The following TTC7B variants were observed in gnomAD, a reference collection of about 807,000 sequenced individuals.
TTC7B encodes the protein tetratricopeptide repeat domain 7B.
TTC7B carries 28 observed loss-of-function variants against 106.8 expected under a neutral mutation model. The ratio of observed to expected loss-of-function variants is 0.26; its 90% CI spans 0.19 to 0.36. The LOEUF is 0.36. TTC7B is among the 10% of genes least tolerant of loss of function. TTC7B has a pLI of 1.00. For missense variants in TTC7B, 862 were observed against 1,076.4 expected (o/e 0.80, Z 2.79); for synonymous variants, 405 against 430.6 (o/e 0.94, Z 0.74).
chr14:90,726,308 C>G (rs1643131370), intron 5 of TTC7B, among the ~76,000 whole-genome samples: 1 of 152,164 alleles, frequency 6.6e-6, no homozygotes, highest in Non-Finnish European at 1.5e-5. Flanking sequence ...TCAGTCCCAC[C>G]TATTTTCTCT....
chr14:90,661,657 C>T (rs1055164638), intron 9 of TTC7B, among the ~76,000 whole-genome samples: 4 of 151,886 alleles, frequency 2.6e-5, no homozygotes, highest in African/African-American at 9.7e-5. Flanking sequence ...TTCTAACAGC[C>T]CTACTCAACC....
chr14:90,658,262 T>C (rs1886033850), intron 10 of TTC7B, 42 bp downstream of exon 10: 1 of 1,527,084 alleles, frequency 6.5e-7, no homozygotes, highest in Non-Finnish European at 9.1e-7. Flanking sequence ...TTGGCCTTAA[T>C]AGGAAAGGCA....
At position 90,578,441 on chromosome 14, in the gene TTC7B, G is replaced by T; in HGVS notation, c.2108-133C>A. 1 of 894,672 alleles carries T rather than the reference G, an allele frequency of 1.1e-6. No individual in the cohort carries two copies. The highest frequency in any genetic ancestry group is 1.7e-6 in the Non-Finnish European group (1 of 574,592). 55.4% of individuals were successfully genotyped at this position (894,672 alleles called of 1,614,324 possible). On this transcript the variant is annotated intron_variant, in intron 18 of 19. Transcript: ENST00000328459. This position sits in a 1 kb window ranked among gnomAD's most constrained non-coding sequence, Gnocchi z 4.7. Reference sequence around the variant, plus strand: ...CAGAGCCAGCTGATCCCTGCTCCAAGTGGAAACAGCTGCCGCTGACAGTCC... The same window carrying T: ...CAGAGCCAGCTGATCCCTGCTCCAATTGGAAACAGCTGCCGCTGACAGTCC...
intron 6 of TTC7B, among the ~76,000 whole-genome samples, chr14:90,691,285 A>C (rs530098118): frequency 6.6e-6 from 1 of 152,176 alleles, no homozygotes; most frequent in South Asian, 2.1e-4. Flanking sequence ...CTTGTTCACT[A>C]CTAGATAGCT....
chr14:90,782,543 G>A (rs1352985846), intron 2 of TTC7B, among the ~76,000 whole-genome samples: 1 of 152,138 alleles, frequency 6.6e-6, no homozygotes, highest in Non-Finnish European at 1.5e-5. Flanking sequence ...AGGTTGCAGT[G>A]AGCCAAGATC....
At chr14:90,587,293 T>G (rs1450530021) in intron 18 of TTC7B, among the ~76,000 whole-genome samples, 2 of 152,232 alleles carry the variant, frequency 1.3e-5, no homozygotes, top group African/African-American at 4.8e-5. Flanking sequence ...CCTCAGTAGC[T>G]TTCCAATGAT....
At chr14:90,658,854 T>C (rs1886063085) in intron 9 of TTC7B, among the ~76,000 whole-genome samples, 1 of 152,220 alleles carries the variant, frequency 6.6e-6, no homozygotes, top group African/African-American at 2.4e-5. Context: ...TTCTCAGTAC[T>C]GGTGCATTGC....
chr14:90,608,180 A>C lies in TTC7B; in HGVS notation c.1966+2562T>G, dbSNP rs1364656847. On this transcript the variant is annotated intron_variant, in intron 17 of 19. Transcript: ENST00000328459. This position sits in a 1 kb window ranked among gnomAD's most constrained non-coding sequence, Gnocchi z 5.1. The stretch of plus-strand genomic sequence containing the variant: ...AACCATATGCAACTGGGCTTTATTA[A>C]TCAAGATGGAGGCATTTTTCCCCAT... Among the ~76,000 whole-genome samples the C allele has an allele frequency of 6.6e-6, 1 of 152,186 alleles. No individual in the cohort carries two copies. Among genetic ancestry groups the C allele is most frequent in the African/African-American group, 2.4e-5 (1 of 41,442 alleles).
At chr14:90,612,161 C>A (rs1352291200) in intron 16 of TTC7B, among the ~76,000 whole-genome samples, 1 of 152,214 alleles carries the variant, frequency 6.6e-6, no homozygotes, top group Admixed American at 6.5e-5. Context: ...TCAGGACAGA[C>A]TATTTGTCAG....
At chr14:90,777,531 A>C (rs1891072316) in intron 3 of TTC7B, among the ~76,000 whole-genome samples, 1 of 152,104 alleles carries the variant, frequency 6.6e-6, no homozygotes, top group Non-Finnish European at 1.5e-5. Flanking sequence ...TCTATCTGAA[A>C]ACCCTGGCCA....
chr14:90,690,602 T>A lies in TTC7B; in HGVS notation c.778-890A>T, dbSNP rs527809599. 9.9e-5 allele frequency among the ~76,000 whole-genome samples: 15 copies of A among 151,742 alleles called. No individual in the cohort carries two copies. The East Asian group carries it at 2.5e-3, about 25-fold the overall frequency. ...GTAACAAAGAAGAGGATAAGTAATT[T>A]AAAAAAAAATCCCTCTGAAAAGAGA... On this transcript the variant is annotated intron_variant, in intron 6 of 19. Coordinates refer to ENST00000328459, the MANE Select transcript of TTC7B (RefSeq NM_001010854.2).
At chr14:90,683,287 T>A (rs1398919221) in intron 7 of TTC7B, among the ~76,000 whole-genome samples, 1 of 152,070 alleles carries the variant, frequency 6.6e-6, no homozygotes, top group African/African-American at 2.4e-5. Context: ...GGTCTAGTAA[T>A]GGTTCCTTTA....
At chr14:90,671,214 T>C (rs1208287897) in intron 9 of TTC7B, among the ~76,000 whole-genome samples, 1 of 152,202 alleles carries the variant, frequency 6.6e-6, no homozygotes, top group Admixed American at 6.5e-5. Context: ...GTGCAATGCT[T>C]TTCACTGTGC....
chr14:90,709,660 C>T (rs1289687732), intron 5 of TTC7B, among the ~76,000 whole-genome samples: 1 of 151,596 alleles, frequency 6.6e-6, no homozygotes, highest in Non-Finnish European at 1.5e-5. Flanking sequence ...ACATTGTGCA[C>T]ATGTACCCTA....
rs1380439541 is a variant in TTC7B, at chr14:90,529,676, T to C, written c.*11692A>G. 2 of 152,238 alleles carry C rather than the reference T, an allele frequency of 1.3e-5. No individual in the cohort carries two copies. Among genetic ancestry groups the C allele is most frequent in the African/African-American group, 4.8e-5 (2 of 41,462 alleles). 9.4% of individuals were successfully genotyped at this position (152,238 alleles called of 1,614,324 possible). On this transcript the variant is annotated 3_prime_UTR_variant, in exon 20 of 20. Coordinates refer to ENST00000328459, the MANE Select transcript of TTC7B (RefSeq NM_001010854.2). The stretch of plus-strand genomic sequence containing the variant: ...TGGACCTGTATCCGTAATAACTGTA[T>C]GCATATCATAGCACTGTCATGAGGA...
rs528168808 is a variant in TTC7B at position 90,705,899 on chromosome 14, T to C, written c.699-10321A>G. On this transcript the variant is annotated intron_variant, in intron 5 of 19. Coordinates refer to ENST00000328459, the MANE Select transcript of TTC7B (RefSeq NM_001010854.2). ...ACCTGAACTGTTCAGCCTATAGAGTTTCCCACTGGCTAGAAAACTGCACAT... is the reference window on the plus strand; with the variant it reads ...ACCTGAACTGTTCAGCCTATAGAGTCTCCCACTGGCTAGAAAACTGCACAT... 2.0e-5 allele frequency among the ~76,000 whole-genome samples: 3 copies of C among 152,306 alleles called. No individual in the cohort carries two copies. The South Asian group carries it at 6.2e-4, about 32-fold the overall frequency.
In TTC7B at chr14:90,663,717, A is replaced by T. The variant is rs1357545106; in HGVS notation, c.1153-5330T>A. ...ATAATGATAACAACCCACCTCCCCT[A>T]ACAAGCCATGAGGGTGTCCTAAAGA... is the stretch of plus-strand genomic sequence containing the variant. On this transcript the variant is annotated intron_variant, in intron 9 of 19. Coordinates refer to ENST00000328459, the MANE Select transcript of TTC7B (RefSeq NM_001010854.2). This position sits in a 1 kb window ranked among gnomAD's most constrained non-coding sequence, Gnocchi z 4.5. 6.6e-6 allele frequency among the ~76,000 whole-genome samples: 1 copy of T among 152,100 alleles called. No individual in the cohort carries two copies. Among genetic ancestry groups the T allele is most frequent in the Non-Finnish European group, 1.5e-5 (1 of 68,016 alleles).
At chr14:90,680,391 A>G in intron 8 of TTC7B, 81 bp downstream of exon 8, 2 of 1,055,310 alleles carry the variant, frequency 1.9e-6, no homozygotes. Context: ...AAAAAGAGTC[A>G]TGATACTGGC....
intron 1 of TTC7B, among the ~76,000 whole-genome samples, chr14:90,810,567 TA>T (rs755400919): frequency 2.6e-5 from 4 of 152,226 alleles, no homozygotes; most frequent in Non-Finnish European, 5.9e-5. Context: ...TTCTTTGTTT[TA>T]AAAGTGTATT....
Sources: allele counts gnomAD v4.1 joint callset (sites outside exome capture counted in the v4.1 genomes callset), GRCh38; gene constraint gnomAD v4.1.1; non-coding constraint Gnocchi (gnomAD v3.1); transcripts MANE v1.5; gene names NCBI Gene and HGNC (gene_info 2026-07-23, HGNC 2026-07-21).